GCKR: variants seen among roughly 807,000 people sequenced by gnomAD.
GCKR encodes glucokinase regulatory protein.
GCKR carries 73 observed loss-of-function variants against 82.9 expected under a neutral mutation model. The observed-to-expected ratio is 0.88, with a 90% CI of 0.73 to 1.07. GCKR has a LOEUF of 1.07. GCKR is among the 50% of genes least tolerant of loss of function. GCKR has a pLI of 0.00. For synonymous variants in GCKR, 294 were observed against 291.8 expected, an observed-to-expected ratio of 1.01 and a Z score of -0.08; for missense variants, 784 against 782.1, an observed-to-expected ratio of 1.00 and a Z score of -0.03.
At position 27,518,809 on chromosome 2, in the gene GCKR, A is replaced by G. The variant is rs746479378; in HGVS notation, c.1444A>G (p.Thr482Ala). ...TCAGAAGTTCCAGCGTGAGCTAAGC[A>G]CCAAATGGGTGCTGAATACAGTGAG... is the stretch of plus-strand genomic sequence containing the variant. ...FIQKFQRELSTKWVLNTVSTG... is the reference protein window; with the variant it reads ...FIQKFQRELSAKWVLNTVSTG... Residue 482 changes from threonine (T) to alanine (A), a missense_variant, in exon 17 of 19, where the codon ACC becomes GCC. Thr to Ala is a moderately conservative substitution (Grantham distance 58, BLOSUM62 0). Transcript: ENST00000264717. 2 of 1,613,574 alleles carry G rather than the reference A, an allele frequency of 1.2e-6. No individual in the cohort carries two copies. Among genetic ancestry groups the G allele is most frequent in the Non-Finnish European group, 1.7e-6 (2 of 1,179,596 alleles).
chr2:27,505,740 C>G lies in GCKR; in HGVS notation c.773C>G (p.Ser258Cys), dbSNP rs897598660. ...AIGPEGLSGSSRMKGGSATKI... is the reference protein window; with the variant it reads ...AIGPEGLSGSCRMKGGSATKI... ...CAGCCCGAGGGTCTCAGCGGCTCCT[C>G]CCGGATGAAAGGTGGAAGTGCCACC... Residue 258 changes from serine (S) to cysteine (C), a missense_variant, in exon 10 of 19, where the codon TCC becomes TGC. Ser to Cys is a moderately radical substitution (Grantham distance 112, BLOSUM62 -1). Transcript: ENST00000264717. 6.2e-7 allele frequency: 1 copy of G among 1,610,528 alleles called. No homozygotes were observed. Among genetic ancestry groups the G allele is most frequent in the Non-Finnish European group, 8.5e-7 (1 of 1,176,884 alleles).
At chr2:27,516,551 T>A (rs1670015585) in intron 16 of GCKR, among the ~76,000 whole-genome samples, 1 of 152,172 alleles carries the variant, frequency 6.6e-6, no homozygotes, top group African/African-American at 2.4e-5. Context: ...CACCTCAGCC[T>A]CCCAAAGTGC....
intron 16 of GCKR, among the ~76,000 whole-genome samples, chr2:27,513,779 AAAT>A (rs1164951283): frequency 9.2e-5 from 14 of 152,128 alleles, no homozygotes; most frequent in South Asian, 4.1e-4. Context: ...TCTTTTTGTA[AAAT>A]AATAATAACC....
At chr2:27,521,334 A>ATT (rs535172762) in intron 17 of GCKR, among the ~76,000 whole-genome samples, 5 of 141,994 alleles carry the variant, frequency 3.5e-5, no homozygotes, top group East Asian at 2.1e-4. Flanking sequence ...GTGAAATCAC[A>ATT]TTTTTTTTTT....
chr2:27,502,188 G>A (rs568447265), intron 8 of GCKR, among the ~76,000 whole-genome samples: 7 of 152,254 alleles, frequency 4.6e-5, no homozygotes, highest in East Asian at 1.9e-4. Context: ...GATTCTAGGC[G>A]GTAGTATAAT....
intron 17 of GCKR, 27 bp downstream of exon 17, chr2:27,518,964 G>A: frequency 5.9e-6 from 9 of 1,517,658 alleles, no homozygotes; most frequent in Non-Finnish European, 8.2e-6. Flanking sequence ...GCAGGGTTGG[G>A]TGGGACCTGG....
At chr2:27,508,121 AG>A (rs1057179328) in intron 15 of GCKR, 46 bp from the exon 16 acceptor site, 31 of 1,587,452 alleles carry the variant, frequency 2.0e-5, no homozygotes, top group Non-Finnish European at 2.6e-5. Flanking sequence ...AGTTGCAGCC[AG>A]GCCTTCCTGG....
rs201297100 is a variant in GCKR, at chr2:27,523,456, G to A, written c.*17G>A. 1.4e-5 allele frequency: 22 copies of A among 1,601,294 alleles called. No individual in the cohort carries two copies. In the Middle Eastern group the frequency reaches 8.4e-4, roughly 61 times the overall value. On this transcript the variant is annotated 3_prime_UTR_variant, in exon 19 of 19. Transcript: ENST00000264717. Reference sequence around the variant, plus strand: ...GTTCAGTGAACCCATGTTTCTGGGTGGGTGAAAGGGGCCCAACCCTGCCCA... The same window carrying A: ...GTTCAGTGAACCCATGTTTCTGGGTAGGTGAAAGGGGCCCAACCCTGCCCA...
rs139265020 is a variant in GCKR at position 27,513,259 on chromosome 2, G to A, written c.1422+5008G>A. Among the ~76,000 whole-genome samples the A allele has an allele frequency of 6.2e-3, 940 of 152,090 alleles. 10 individuals are homozygous for A. The highest frequency in any genetic ancestry group is 0.022 in the African/African-American group (893 of 41,466). The stretch of plus-strand genomic sequence containing the variant: ...AAGAAAATCTCTCTCATCCAGGTGC[G>A]GTGGCTCACATCTGTAATCCCAGCA... On this transcript the variant is annotated intron_variant, in intron 16 of 18. Transcript: ENST00000264717.
chr2:27,504,433 C>G (rs943941550), intron 9 of GCKR, among the ~76,000 whole-genome samples: 6 of 151,608 alleles, frequency 4.0e-5, no homozygotes, highest in Admixed American at 2.6e-4. Context: ...TCTTGGCTCA[C>G]TGCAACCTCT....
In GCKR at chr2:27,507,902, G is replaced by A. The variant is rs1192450445; in HGVS notation, c.1241-75G>A. ...GAGGGACGGGGTGAATATCCTGACT[G>A]GACCCCAGCCAGGGGAGCAGGAGGA... On this transcript the variant is annotated intron_variant, in intron 14 of 18. Coordinates refer to ENST00000264717, the MANE Select transcript of GCKR (RefSeq NM_001486.4). The A allele has an allele frequency of 3.3e-6, 4 of 1,217,356 alleles. No individual in the cohort carries two copies. In the African/African-American group the frequency reaches 4.4e-5, roughly 14 times the overall value. The allele number at this position is 1,217,356 out of a possible 1,614,324, so 75.4% of individuals were successfully genotyped here.
chr2:27,518,737 T>G, intron 16 of GCKR, 51 bp from the exon 17 acceptor site: 1 of 1,505,508 alleles, frequency 6.6e-7, no homozygotes, highest in South Asian at 1.1e-5. Flanking sequence ...TTCACTCTGC[T>G]GCTTTTCTGT....
At chr2:27,507,100 C>G (rs947884229) in intron 12 of GCKR, 135 bp from the exon 13 acceptor site, 2 of 794,376 alleles carry the variant, frequency 2.5e-6, no homozygotes, top group Non-Finnish European at 4.6e-6. Context: ...ACTATGGCCT[C>G]CCACAAGGGC....
intron 17 of GCKR, 141 bp downstream of exon 17, chr2:27,519,078 C>CAGA: frequency 1.4e-6 from 1 of 709,874 alleles, no homozygotes; most frequent in Non-Finnish European, 2.5e-6. Flanking sequence ...CTATTAGGTG[C>CAGA]ATCTTCCCCT....
chr2:27,509,937 T>C (rs1669841440), intron 16 of GCKR: 1 of 151,886 alleles, frequency 6.6e-6, no homozygotes, highest in African/African-American at 2.4e-5. Flanking sequence ...TCACCATCAT[T>C]TTCAAAAATT....
intron 7 of GCKR, 141 bp from the exon 8 acceptor site, chr2:27,500,994 A>C: frequency 2.6e-6 from 2 of 783,032 alleles, no homozygotes; most frequent in Non-Finnish European, 4.7e-6. Context: ...CCCCCTTCAA[A>C]TTTGGATCCA....
At chr2:27,519,714 G>A (rs1205381391) in intron 17 of GCKR, among the ~76,000 whole-genome samples, 1 of 152,222 alleles carries the variant, frequency 6.6e-6, no homozygotes, top group East Asian at 1.9e-4. Flanking sequence ...TGCCTGTCCT[G>A]TGGTTCTTGC....
intron 7 of GCKR, among the ~76,000 whole-genome samples, chr2:27,499,746 G>T (rs1159807637): frequency 6.6e-6 from 1 of 152,202 alleles, no homozygotes; most frequent in East Asian, 1.9e-4. Context: ...TGTTTTTAAA[G>T]TTTTTTGTTG....
At chr2:27,507,882 A>G in intron 14 of GCKR, 95 bp from the exon 15 acceptor site, 1 of 1,126,152 alleles carries the variant, frequency 8.9e-7, no homozygotes, top group Non-Finnish European at 1.4e-6. Context: ...AGAGGGAGGG[A>G]CGGGGTGAAT....
Sources: allele counts gnomAD v4.1 joint callset (sites outside exome capture counted in the v4.1 genomes callset), GRCh38; gene constraint gnomAD v4.1.1; transcripts MANE v1.5; gene names NCBI Gene and HGNC (gene_info 2026-07-23, HGNC 2026-07-21).